Variants in TLE4 observed in about 807,000 individuals in gnomAD.
TLE4 encodes the protein TLE family member 4, transcriptional corepressor.
A neutral mutation model predicts 92.8 loss-of-function variants in TLE4; 8 were observed. The ratio of observed to expected loss-of-function variants is 0.09; its 90% CI spans 0.05 to 0.16. The LOEUF (loss-of-function observed/expected upper bound fraction) is 0.16. Among genes scored for constraint, TLE4 ranks in the 10% least tolerant of loss-of-function variants. The probability of loss-of-function intolerance (pLI) is 1.00; values close to 1 mark genes in which losing one functional copy is unlikely to be tolerated. For synonymous variants in TLE4, 371 were observed against 374.1 expected (o/e 0.99, Z 0.10); for missense variants, 675 against 997.6 (o/e 0.68, Z 4.36).
At position 79,644,816 on chromosome 9, in the gene TLE4, T is replaced by C. The variant is rs116144015; in HGVS notation, c.391-7777T>C. On this transcript the variant is annotated intron_variant, in intron 6 of 19. Transcript: ENST00000376552. ...GTCTTCCCTTACTTCTCTCCTAGAA[T>C]GGAACAGTGTCTCCTGGTTGGATTG... 6.4e-3 allele frequency among the ~76,000 whole-genome samples: 969 copies of C among 152,312 alleles called. 5 individuals carry two copies. The highest frequency in any genetic ancestry group is 0.022 in the African/African-American group (897 of 41,572).
chr9:79,699,204 G>A (rs2069084992), intron 8 of TLE4, among the ~76,000 whole-genome samples: 1 of 152,082 alleles, frequency 6.6e-6, no homozygotes, highest in Non-Finnish European at 1.5e-5. Context: ...TTTGACATGG[G>A]TCTTTTGCTT....
In TLE4 at chr9:79,572,799, CG is replaced by C; in HGVS notation, c.10del (p.Asp4ThrfsTer2). On this transcript the variant is annotated frameshift_variant, in exon 1 of 20. Transcript: ENST00000376552. LOFTEE classifies it high-confidence loss of function. ...CAACTAAATCGGCTTGGATGATTCG[CG>C]ACCTGAGCAAGATGTACCCGCAGAC... is the stretch of plus-strand genomic sequence containing the variant. MIR[D>X]LSKMYPQTRH... 6.2e-7 allele frequency: 1 copy of C among 1,602,112 alleles called. No individual in the cohort carries two copies. Among genetic ancestry groups the C allele is most frequent in the Non-Finnish European group, 8.5e-7 (1 of 1,175,004 alleles).
At chr9:79,662,704 A>G (rs1264882804) in intron 8 of TLE4, among the ~76,000 whole-genome samples, 1 of 152,140 alleles carries the variant, frequency 6.6e-6, no homozygotes, top group East Asian at 1.9e-4. Context: ...TGGAAATAAT[A>G]TGGAAATCCT....
chr9:79,574,908 A>G lies in TLE4; in HGVS notation c.179A>G (p.Lys60Arg). ...KLECEKLASEKTEMQRHYVMY... is the reference protein window; with the variant it reads ...KLECEKLASERTEMQRHYVMY... ...GAATGTGAGAAACTCGCCAGTGAGA[A>G]GACAGAGATGCAGCGGCATTATGTC... Residue 60 changes from lysine (K) to arginine (R), a missense_variant, in exon 3 of 20, where the codon AAG becomes AGG. By Grantham distance (26) the Lys-to-Arg change is conservative. Around this residue, in one of 5 missense-constraint regions of TLE4, gnomAD observed 68 missense variants for 141.2 expected, o/e 0.48. Coordinates refer to ENST00000376552, the MANE Select transcript of TLE4 (RefSeq NM_007005.6). 1 of 1,613,722 alleles carries G rather than the reference A, an allele frequency of 6.2e-7. No individual in the cohort carries two copies. The highest frequency in any genetic ancestry group is 8.5e-7 in the Non-Finnish European group (1 of 1,179,720).
chr9:79,706,249 T>TAC (rs1212919439), intron 10 of TLE4, among the ~76,000 whole-genome samples: 7 of 152,114 alleles, frequency 4.6e-5, no homozygotes, highest in Non-Finnish European at 1.0e-4. Context: ...CTCATTATGT[T>TAC]ACCTAGGCTG....
At chr9:79,572,976 C>G (rs1489914460) in intron 1 of TLE4, 141 bp downstream of exon 1, 1 of 836,748 alleles carries the variant, frequency 1.2e-6, no homozygotes. Flanking sequence ...GAGCAGCCCG[C>G]CCGCCATCAC....
intron 4 of TLE4, among the ~76,000 whole-genome samples, chr9:79,594,031 T>G (rs1587833226): frequency 2.0e-5 from 3 of 152,270 alleles, no homozygotes; most frequent in African/African-American, 7.2e-5. Context: ...AGGACTGGAT[T>G]TTTACTTTTT....
intron 4 of TLE4, among the ~76,000 whole-genome samples, chr9:79,584,787 A>G (rs1305758856): frequency 1.3e-5 from 2 of 152,232 alleles, no homozygotes; most frequent in African/African-American, 4.8e-5. Context: ...AGAGGAAGCA[A>G]AAGCAACCGA....
chr9:79,721,400 A>C (rs1179926958), intron 16 of TLE4, among the ~76,000 whole-genome samples: 1 of 152,222 alleles, frequency 6.6e-6, no homozygotes, highest in African/African-American at 2.4e-5. Context: ...ACAGTAATAG[A>C]ATAGGTCTCA....
chr9:79,656,320 TTGCCTGCAGC>T (rs1436087328), intron 8 of TLE4, among the ~76,000 whole-genome samples: 1 of 152,228 alleles, frequency 6.6e-6, no homozygotes, highest in Non-Finnish European at 1.5e-5. Context: ...AGCGTGCCAG[TTGCCTGCAGC>T]TGGAGTCGAG....
chr9:79,631,533 GT>G (rs1192042398), intron 6 of TLE4, among the ~76,000 whole-genome samples: 2 of 151,308 alleles, frequency 1.3e-5, no homozygotes, highest in Non-Finnish European at 2.9e-5. Flanking sequence ...GTTTGAGTTA[GT>G]TTAAAAAAAG....
chr9:79,610,138 G>A (rs2807310), intron 4 of TLE4, among the ~76,000 whole-genome samples: 38,098 of 151,914 alleles, frequency 0.25, 5,653 homozygotes, highest in African/African-American at 0.42. Flanking sequence ...AAAGCAGGTC[G>A]CAGTTCAGTG....
At chr9:79,634,813 T>A (rs1013659651) in intron 6 of TLE4, among the ~76,000 whole-genome samples, 1 of 152,224 alleles carries the variant, frequency 6.6e-6, no homozygotes, top group African/African-American at 2.4e-5. Flanking sequence ...ATGTGGTTGC[T>A]CATATCAGTA....
At chr9:79,604,084 G>A (rs1399163931) in intron 4 of TLE4, among the ~76,000 whole-genome samples, 1 of 152,132 alleles carries the variant, frequency 6.6e-6, no homozygotes, top group East Asian at 1.9e-4. Flanking sequence ...ATGCTGTCAC[G>A]AGAAGACAAA....
intron 5 of TLE4, among the ~76,000 whole-genome samples, chr9:79,619,491 T>C (rs904904646): frequency 2.0e-5 from 3 of 152,232 alleles, no homozygotes; most frequent in Admixed American, 1.3e-4. Flanking sequence ...TGTTATCGCC[T>C]TACAGTCGTG....
At chr9:79,626,824 CTT>C (rs756328288) in intron 5 of TLE4, among the ~76,000 whole-genome samples, 98 of 152,280 alleles carry the variant, frequency 6.4e-4, no homozygotes, top group Non-Finnish European at 1.3e-3. Flanking sequence ...TTTTTGATCT[CTT>C]TTTAATCCCT....
intron 8 of TLE4, chr9:79,668,892 T>C: frequency 2.2e-6 from 2 of 917,916 alleles, no homozygotes; most frequent in Non-Finnish European, 2.6e-6. Flanking sequence ...GTCAACAATG[T>C]AGCTGCAGAT....
At position 79,592,156 on chromosome 9, in the gene TLE4, T is replaced by C. The variant is rs1321253170; in HGVS notation, c.252+15979T>C. 3.4e-5 allele frequency among the ~76,000 whole-genome samples: 5 copies of C among 145,046 alleles called. No individual in the cohort carries two copies. In the East Asian group the frequency reaches 6.0e-4, roughly 17 times the overall value. On this transcript the variant is annotated intron_variant, in intron 4 of 19. Transcript: ENST00000376552. ...CTTCTTTCTTCTTTCTTCTTTCTTC[T>C]TCTTCTTCTTCTTCCTCTTCCTCTT...
At chr9:79,636,765 G>A (rs189676260) in intron 6 of TLE4, among the ~76,000 whole-genome samples, 2 of 152,224 alleles carry the variant, frequency 1.3e-5, no homozygotes, top group Non-Finnish European at 2.9e-5. Flanking sequence ...TGACTAGCTA[G>A]TGAAATCTCA....
Sources: gnomAD v4.1 joint callset for allele counts (sites outside exome capture counted in the v4.1 genomes callset) on GRCh38, gnomAD v4.1.1 for gene constraint, gnomAD v4.1.1 regional missense constraint, MANE v1.5 for transcripts, NCBI Gene and HGNC (gene_info 2026-07-23, HGNC 2026-07-21) for gene names.